Variants in GNG4 observed in about 807,000 individuals in gnomAD.
GNG4 encodes the protein G protein subunit gamma 4.
A neutral mutation model predicts 5.8 loss-of-function variants in GNG4; 4 were observed. That is an observed-to-expected ratio of 0.69 (90% CI 0.34 to 1.57). The LOEUF (loss-of-function observed/expected upper bound fraction) is 1.57. GNG4 is among the 40% of genes most tolerant of loss of function. The pLI is 0.06. For missense variants in GNG4, 96 were observed against 95.1 expected, an observed-to-expected ratio of 1.01 and a Z score of -0.04; for synonymous variants, 29 against 32.9, an observed-to-expected ratio of 0.88 and a Z score of 0.41.
intron 1 of GNG4, among the ~76,000 whole-genome samples, chr1:235,630,858 C>T (rs978878887): frequency 6.6e-6 from 1 of 151,948 alleles, no homozygotes; most frequent in Non-Finnish European, 1.5e-5. Context: ...TAAAATGAAA[C>T]GTGAGCCTAA....
intron 1 of GNG4, among the ~76,000 whole-genome samples, chr1:235,598,347 C>T (rs7417556): frequency 0.33 from 49,747 of 152,044 alleles, 8,360 homozygotes; most frequent in African/African-American, 0.4. Context: ...CAGTGACTCA[C>T]GTCTGTAATC....
At chr1:235,611,351 C>T (rs1429773504) in intron 1 of GNG4, among the ~76,000 whole-genome samples, 1 of 151,904 alleles carries the variant, frequency 6.6e-6, no homozygotes, top group East Asian at 1.9e-4. Flanking sequence ...TTATTTTTTA[C>T]TTTTTGTAGG....
chr1:235,623,349 G>T (rs114167322), intron 1 of GNG4, among the ~76,000 whole-genome samples: 1 of 152,228 alleles, frequency 6.6e-6, no homozygotes, highest in Non-Finnish European at 1.5e-5. Context: ...CACGGCCACC[G>T]CTGCAGCCCT....
At chr1:235,583,910 C>T (rs996350468) in intron 2 of GNG4, 62 bp from the exon 3 acceptor site, 2 of 919,782 alleles carry the variant, frequency 2.2e-6, no homozygotes, top group Non-Finnish European at 3.5e-6. Context: ...GGGAACCCCA[C>T]CTCCCACCAC....
At chr1:235,645,697 C>T (rs964983556) in intron 1 of GNG4, among the ~76,000 whole-genome samples, 4 of 147,436 alleles carry the variant, frequency 2.7e-5, no homozygotes, top group Non-Finnish European at 5.9e-5. Flanking sequence ...CTTGGGAGGC[C>T]AAGGCAGGAG....
At chr1:235,589,696 G>A (rs1015738726) in intron 2 of GNG4, among the ~76,000 whole-genome samples, 15 of 152,156 alleles carry the variant, frequency 9.9e-5, no homozygotes, top group South Asian at 2.1e-4. Flanking sequence ...TTTCCTCCCC[G>A]ACGGAGGGAC....
At chr1:235,637,653 CAAAAAAA>C (rs5781837) in intron 1 of GNG4, among the ~76,000 whole-genome samples, 1 of 116,326 alleles carries the variant, frequency 8.6e-6, no homozygotes. Context: ...GACCTTGTCT[CAAAAAAA>C]AAAAAAAAAA....
chr1:235,584,388 A>T (rs74148713), intron 2 of GNG4, among the ~76,000 whole-genome samples: 3,011 of 152,298 alleles, frequency 0.02, 106 homozygotes, highest in African/African-American at 0.068. Context: ...GAGTGTCTCA[A>T]ATGGCCTCTC....
intron 1 of GNG4, among the ~76,000 whole-genome samples, chr1:235,604,547 C>T (rs891492932): frequency 3.9e-5 from 6 of 152,202 alleles, no homozygotes; most frequent in Non-Finnish European, 7.3e-5. Context: ...CCTCTGATAA[C>T]ACTTGACATT....
At chr1:235,625,089 G>A (rs1175409434) in intron 1 of GNG4, among the ~76,000 whole-genome samples, 1 of 137,028 alleles carries the variant, frequency 7.3e-6, no homozygotes, top group East Asian at 2.2e-4. Context: ...CCTGGCAAAG[G>A]GGCTCTGGGG....
intron 1 of GNG4, among the ~76,000 whole-genome samples, chr1:235,635,539 G>C (rs946482829): frequency 6.6e-6 from 1 of 152,258 alleles, no homozygotes; most frequent in Admixed American, 6.5e-5. Context: ...GGTGGGGCCT[G>C]GTGGGAGGCG....
intron 2 of GNG4, among the ~76,000 whole-genome samples, chr1:235,586,533 C>T (rs1431324371): frequency 1.3e-5 from 2 of 152,274 alleles, no homozygotes; most frequent in East Asian, 1.9e-4. Flanking sequence ...AATCTCATGA[C>T]GAAATGCGAT....
At chr1:235,561,757 C>T (rs886789643) in intron 3 of GNG4, among the ~76,000 whole-genome samples, 2 of 152,272 alleles carry the variant, frequency 1.3e-5, no homozygotes, top group Admixed American at 6.5e-5. Flanking sequence ...TTTCTCCCAG[C>T]GTGTGGCTTG....
chr1:235,583,344 G>A (rs184612908), intron 3 of GNG4, among the ~76,000 whole-genome samples: 93 of 152,292 alleles, frequency 6.1e-4, no homozygotes, highest in African/African-American at 2.2e-3. Flanking sequence ...GCATGGTTCA[G>A]AGCTCCACCC....
At chr1:235,628,715 A>G (rs1199427877) in intron 1 of GNG4, among the ~76,000 whole-genome samples, 1 of 152,198 alleles carries the variant, frequency 6.6e-6, no homozygotes, top group Non-Finnish European at 1.5e-5. Context: ...TTCCCCGCAT[A>G]TCTGAATATG....
At chr1:235,588,959 C>T (rs1687895060) in intron 2 of GNG4, 1 of 152,490 alleles carries the variant, frequency 6.6e-6, no homozygotes. Context: ...CCGGCAGGGC[C>T]CTCCTTCCTC....
intron 1 of GNG4, among the ~76,000 whole-genome samples, chr1:235,634,220 G>C (rs1688985812): frequency 6.6e-6 from 1 of 152,136 alleles, no homozygotes; most frequent in Non-Finnish European, 1.5e-5. Context: ...TACTGTCTGG[G>C]GCCAGTGGCA....
At chr1:235,619,115 C>T (rs575702047) in intron 1 of GNG4, among the ~76,000 whole-genome samples, 1 of 84,084 alleles carries the variant, frequency 1.2e-5, no homozygotes, top group African/African-American at 4.8e-5. Flanking sequence ...CCCTCGGCAA[C>T]ATTGCAAACG....
In GNG4 at chr1:235,600,100, C is replaced by CTTTTTTTTTTTTTTTTT. The variant is rs533853180; in HGVS notation, c.-122-4606_-122-4590dup. On this transcript the variant is annotated intron_variant, in intron 1 of 3. Coordinates refer to ENST00000391854, the MANE Select transcript of GNG4 (RefSeq NM_001098722.2). ...TCCTTTATCTGGTTGCGGAAGAAAG[C>CTTTTTTTTTTTTTTTTT]TTTTTTTTTTTTTTTTTTTTTTTTT... Among the ~76,000 whole-genome samples the CTTTTTTTTTTTTTTTTT allele has an allele frequency of 1.6e-4, 7 of 43,128 alleles. 2 individuals are homozygous for CTTTTTTTTTTTTTTTTT. The highest frequency in any genetic ancestry group is 2.1e-4 in the Non-Finnish European group (5 of 24,360). 28.3% of individuals were successfully genotyped at this position (43,128 alleles called of 152,430 possible).
Sources: gnomAD v4.1 joint callset for allele counts (sites outside exome capture counted in the v4.1 genomes callset) on GRCh38, gnomAD v4.1.1 for gene constraint, MANE v1.5 for transcripts, NCBI Gene and HGNC (gene_info 2026-07-23, HGNC 2026-07-21) for gene names.